STARD8: variants seen among roughly 807,000 people sequenced by gnomAD.
STARD8 encodes stAR-related lipid transfer protein 8.
A neutral mutation model predicts 69.4 loss-of-function variants in STARD8; 25 were observed. The observed-to-expected ratio is 0.36, with a 90% CI of 0.26 to 0.50. The LOEUF (loss-of-function observed/expected upper bound fraction) is 0.50, where lower values mean the gene tolerates loss of function less well. STARD8 is among the 20% of genes least tolerant of loss of function. STARD8 has a pLI of 0.96. For synonymous variants in STARD8, 389 were observed against 374.6 expected (o/e 1.04, Z -0.45); for missense variants, 921 against 932.5 (o/e 0.99, Z 0.16).
At chrX:68,671,454 A>G (rs1484536441) in intron 2 of STARD8, among the ~76,000 whole-genome samples, 1 of 112,717 alleles carries the variant, frequency 8.9e-6, no homozygotes, top group East Asian at 2.8e-4. Context: ...GCTATATCTG[A>G]CTGACCCCTG....
chrX:68,687,688 G>A (rs1008616225), intron 2 of STARD8, among the ~76,000 whole-genome samples: 7 of 112,414 alleles, frequency 6.2e-5, no homozygotes, highest in African/African-American at 2.3e-4. Context: ...CAGTTCCTCC[G>A]TGGTAGAAAC....
chrX:68,650,748 A>G (rs760877992), intron 1 of STARD8, among the ~76,000 whole-genome samples: 64 of 110,324 alleles, frequency 5.8e-4, no homozygotes, highest in African/African-American at 1.7e-3. Flanking sequence ...GCACCACTGC[A>G]CTCCAACCTG....
chrX:68,675,235 G>A (rs2079758438), intron 2 of STARD8, among the ~76,000 whole-genome samples: 1 of 111,166 alleles, frequency 9.0e-6, no homozygotes, highest in Non-Finnish European at 1.9e-5. Context: ...TGGGATTACA[G>A]GCGTGAGGCA....
At chrX:68,648,115 C>T (rs1240834028) in intron 1 of STARD8, among the ~76,000 whole-genome samples, 188 bp downstream of exon 1, 1 of 112,430 alleles carries the variant, frequency 8.9e-6, no homozygotes, top group Non-Finnish European at 1.9e-5. Context: ...CCTTCTGTTG[C>T]ATTCCCATAC....
chrX:68,668,105 CT>C (rs1288987563), intron 2 of STARD8, among the ~76,000 whole-genome samples: 8 of 94,824 alleles, frequency 8.4e-5, no homozygotes, highest in African/African-American at 3.2e-4. Context: ...TTCTTTCTTT[CT>C]TTCTTTCTGT....
At chrX:68,684,501 A>C (rs1326671919) in intron 2 of STARD8, among the ~76,000 whole-genome samples, 1 of 112,894 alleles carries the variant, frequency 8.9e-6, no homozygotes, top group Non-Finnish European at 1.9e-5. Flanking sequence ...ACCGGAGAGC[A>C]AAAGGGAAAC....
At chrX:68,663,608 G>A (rs1483745981) in intron 1 of STARD8, among the ~76,000 whole-genome samples, 1 of 111,306 alleles carries the variant, frequency 9.0e-6, no homozygotes, top group African/African-American at 3.3e-5. Context: ...TAGGACTAGA[G>A]CATAGAGTAC....
chrX:68,652,977 C>A (rs1602534400), intron 1 of STARD8, among the ~76,000 whole-genome samples: 1 of 74,127 alleles, frequency 1.3e-5, no homozygotes, highest in Non-Finnish European at 2.6e-5. Flanking sequence ...ACACACCACA[C>A]ACCACACACA....
At chrX:68,710,238 A>T (rs1450254872) in intron 2 of STARD8, among the ~76,000 whole-genome samples, 1 of 112,408 alleles carries the variant, frequency 8.9e-6, no homozygotes, top group African/African-American at 3.2e-5. Context: ...AAAAATACCA[A>T]TGTGGAGAGT....
chrX:68,673,938 A>G (rs2079746378), intron 2 of STARD8, among the ~76,000 whole-genome samples: 1 of 111,674 alleles, frequency 9.0e-6, no homozygotes, highest in South Asian at 3.8e-4. Flanking sequence ...TTCCAAAAAG[A>G]TCTGGAGGCA....
intron 1 of STARD8, among the ~76,000 whole-genome samples, chrX:68,663,349 G>C (rs1462671887): frequency 8.9e-6 from 1 of 111,898 alleles, no homozygotes; most frequent in Non-Finnish European, 1.9e-5. Context: ...TTGATCTCAA[G>C]CACAGACTTG....
At chrX:68,676,963 T>C (rs2079768950) in intron 2 of STARD8, among the ~76,000 whole-genome samples, 1 of 107,509 alleles carries the variant, frequency 9.3e-6, no homozygotes, top group African/African-American at 3.4e-5. Flanking sequence ...CTGGGCAACA[T>C]AGGGAGACCC....
chrX:68,668,904 C>T (rs2079710830), intron 2 of STARD8, among the ~76,000 whole-genome samples: 1 of 112,065 alleles, frequency 8.9e-6, no homozygotes, highest in South Asian at 3.7e-4. Flanking sequence ...GCACTAGTTA[C>T]ATTTTTCCTA....
At chrX:68,715,539 A>G (rs939999908) in intron 4 of STARD8, among the ~76,000 whole-genome samples, 164 bp downstream of exon 4, 1 of 112,342 alleles carries the variant, frequency 8.9e-6, no homozygotes, top group African/African-American at 3.2e-5. Flanking sequence ...TGTTTGTGAT[A>G]CCCTCAACCA....
rs1417375379 is a variant in STARD8, at chrX:68,717,823, G to A, written c.909G>A (p.Gly303=). Residue 303 remains glycine (G), a synonymous_variant, in exon 6 of 15, where the codon GGG becomes GGA. Transcript: ENST00000374599. ...GTGATTGCCTGGTGCACGTTCCTGG[G>A]GACCACAAACCAGGCACATTCCCTC... ...HRGDCLVHVP[G]DHKPGTFPRS... The A allele has an allele frequency of 8.3e-7, 1 of 1,211,250 alleles. No individual in the cohort carries two copies. The highest frequency in any genetic ancestry group is 2.2e-5 in the Admixed American group (1 of 46,069).
chrX:68,693,145 G>A (rs1375140124), intron 2 of STARD8, among the ~76,000 whole-genome samples: 4 of 112,610 alleles, frequency 3.6e-5, no homozygotes, highest in Non-Finnish European at 7.5e-5. Context: ...TGGGGTAGGG[G>A]ACAGAAGCCT....
intron 2 of STARD8, among the ~76,000 whole-genome samples, chrX:68,674,186 C>T (rs1002481309): frequency 7.4e-5 from 8 of 107,840 alleles, no homozygotes; most frequent in African/African-American, 1.4e-4. Context: ...CCCAGCTACT[C>T]GGGAGGCTGA....
intron 2 of STARD8, 103 bp from the exon 3 acceptor site, chrX:68,712,811 C>A: frequency 2.7e-6 from 2 of 736,996 alleles, no homozygotes; most frequent in Non-Finnish European, 4.1e-6. Context: ...CAGAATGAGA[C>A]ATGTCTGCCT....
chrX:68,678,366 A>G (rs2079780060), intron 2 of STARD8, among the ~76,000 whole-genome samples: 1 of 111,641 alleles, frequency 9.0e-6, no homozygotes, highest in Non-Finnish European at 1.9e-5. Context: ...AAAGAGGAGT[A>G]AAAAGGGAAG....
Sources: allele counts gnomAD v4.1 joint callset (sites outside exome capture counted in the v4.1 genomes callset), GRCh38; gene constraint gnomAD v4.1.1; transcripts MANE v1.5; gene names NCBI Gene and HGNC (gene_info 2026-07-23, HGNC 2026-07-21).